CARMIL1: variants seen among roughly 807,000 people sequenced by gnomAD.
The protein encoded by CARMIL1 is F-actin-uncapping protein LRRC16A.
In CARMIL1, 90 loss-of-function variants were observed where a neutral mutation model predicts 177.1. The ratio of observed to expected loss-of-function variants is 0.51; its 90% CI spans 0.43 to 0.61. The LOEUF (loss-of-function observed/expected upper bound fraction) is 0.61. CARMIL1 is among the 20% of genes least tolerant of loss of function. The probability of loss-of-function intolerance (pLI) is 0.00; values close to 1 mark genes in which losing one functional copy is unlikely to be tolerated. For synonymous variants in CARMIL1, 577 were observed against 606.2 expected, an observed-to-expected ratio of 0.95 and a Z score of 0.71; for missense variants, 1,380 against 1,667.0, an observed-to-expected ratio of 0.83 and a Z score of 3.00.
At chr6:25,473,709 T>C (rs1801274301) in intron 11 of CARMIL1, among the ~76,000 whole-genome samples, 1 of 152,306 alleles carries the variant, frequency 6.6e-6, no homozygotes, top group East Asian at 1.9e-4. Flanking sequence ...GTCAACAGTA[T>C]ATTTACTGCT....
At chr6:25,514,060 A>G (rs927374958) in intron 20 of CARMIL1, among the ~76,000 whole-genome samples, 2 of 152,224 alleles carry the variant, frequency 1.3e-5, no homozygotes, top group Non-Finnish European at 2.9e-5. Context: ...GGAAGGCAAC[A>G]TAAACTAGTA....
intron 27 of CARMIL1, 117 bp from the exon 28 acceptor site, chr6:25,553,892 A>G: frequency 1.5e-6 from 1 of 680,424 alleles, no homozygotes; most frequent in East Asian, 2.7e-5. Flanking sequence ...CTTATATTCC[A>G]CTTTCAAAGA....
Position 25,450,984 on chromosome 6 carries a change from CCTCCCCTCTCCCCT to C in CARMIL1, c.614+298_614+311del, listed in dbSNP as rs1443718687. ...CTCCTCTCTTCTCTTCTCCTCTCCC[CCTCCCCTCTCCCCT>C]CTCCCCTCTCCCCTCTCCCCTCTCT... On this transcript the variant is annotated intron_variant, in intron 8 of 36. Coordinates refer to ENST00000329474, the MANE Select transcript of CARMIL1 (RefSeq NM_017640.6). Among the ~76,000 whole-genome samples, 17 of 6,206 alleles carry C rather than the reference CCTCCCCTCTCCCCT, an allele frequency of 2.7e-3. 1 individual carries two copies. Among genetic ancestry groups the C allele is most frequent in the African/African-American group, 7.9e-3 (17 of 2,162 alleles). 4.1% of individuals were successfully genotyped at this position (6,206 alleles called of 152,430 possible). A position where few individuals can be genotyped will look rare whatever the true frequency, so the allele number is the denominator to read the frequency against.
At chr6:25,290,241 G>A (rs570708323) in intron 2 of CARMIL1, among the ~76,000 whole-genome samples, 5 of 152,110 alleles carry the variant, frequency 3.3e-5, no homozygotes, top group South Asian at 2.1e-4. Flanking sequence ...GACTACAGGC[G>A]TGTGCCACCA....
At position 25,421,226 on chromosome 6, in the gene CARMIL1, C is replaced by T. The variant is rs1795824391; in HGVS notation, c.189+1062C>T. ...GATTAGAAAATAGCTAAAAGACAGACACTTCTCAAAAGAAGACATTTATGC... is the reference window on the plus strand; with the variant it reads ...GATTAGAAAATAGCTAAAAGACAGATACTTCTCAAAAGAAGACATTTATGC... On this transcript the variant is annotated intron_variant, in intron 3 of 36. Transcript: ENST00000329474. 2.0e-5 allele frequency among the ~76,000 whole-genome samples: 3 copies of T among 152,314 alleles called. No individual in the cohort carries two copies. In the South Asian group the frequency reaches 6.2e-4, roughly 32 times the overall value.
At chr6:25,436,265 C>A (rs1183853011) in intron 5 of CARMIL1, among the ~76,000 whole-genome samples, 1 of 152,092 alleles carries the variant, frequency 6.6e-6, no homozygotes, top group Admixed American at 6.5e-5. Context: ...ATGCTTATGT[C>A]TGAAAGCTCC....
chr6:25,461,151 A>G (rs1163615234), intron 8 of CARMIL1, among the ~76,000 whole-genome samples: 1 of 152,212 alleles, frequency 6.6e-6, no homozygotes, highest in Admixed American at 6.5e-5. Flanking sequence ...CTTCTGCCTT[A>G]GACTCCTTCC....
intron 31 of CARMIL1, among the ~76,000 whole-genome samples, chr6:25,584,477 A>G (rs1259258152): frequency 6.6e-6 from 1 of 150,842 alleles, no homozygotes; most frequent in Non-Finnish European, 1.5e-5. Context: ...CTGAAGCACC[A>G]GTAACAAAAG....
chr6:25,342,585 G>A (rs887851570), intron 2 of CARMIL1, among the ~76,000 whole-genome samples: 1 of 151,018 alleles, frequency 6.6e-6, no homozygotes, highest in African/African-American at 2.4e-5. Context: ...GTATGTTCTT[G>A]CCTCTTTCTA....
chr6:25,515,902 C>A lies in CARMIL1; in HGVS notation c.1805+55C>A. On this transcript the variant is annotated intron_variant, in intron 21 of 36. Transcript: ENST00000329474. This position sits in a 1 kb window ranked among gnomAD's most constrained non-coding sequence, Gnocchi z 5.0. ...AGGAAGGCTTGGAGCAGATTCCGAACAGCAAGCATTGCAGAGCTGCTGGGC... is the reference window on the plus strand; with the variant it reads ...AGGAAGGCTTGGAGCAGATTCCGAAAAGCAAGCATTGCAGAGCTGCTGGGC... 6.6e-7 allele frequency: 1 copy of A among 1,515,722 alleles called. No individual in the cohort carries two copies. Among genetic ancestry groups the A allele is most frequent in the Non-Finnish European group, 8.9e-7 (1 of 1,125,028 alleles). 93.9% of individuals were successfully genotyped at this position (1,515,722 alleles called of 1,614,324 possible).
intron 27 of CARMIL1, among the ~76,000 whole-genome samples, chr6:25,552,371 A>T (rs1302403358): frequency 6.6e-6 from 1 of 152,144 alleles, no homozygotes; most frequent in Non-Finnish European, 1.5e-5. Context: ...GTCAAATATG[A>T]TCATTTCCTT....
chr6:25,515,033 G>A lies in CARMIL1; in HGVS notation c.1633-642G>A, dbSNP rs551816331. Among the ~76,000 whole-genome samples, 4 of 152,324 alleles carry A rather than the reference G, an allele frequency of 2.6e-5. No individual in the cohort carries two copies. The East Asian group carries it at 7.7e-4, about 29-fold the overall frequency. ...GTTAGGAGCATGAAATCTGGAACCA[G>A]TACATCTGGGTTTGAATCCTAGTTC... On this transcript the variant is annotated intron_variant, in intron 20 of 36. Transcript: ENST00000329474. The surrounding 1 kb of genome is among the most constrained non-coding windows in gnomAD (Gnocchi z 5.0).
intron 35 of CARMIL1, among the ~76,000 whole-genome samples, chr6:25,607,628 C>T (rs1816105550): frequency 6.6e-6 from 1 of 152,182 alleles, no homozygotes; most frequent in Non-Finnish European, 1.5e-5. Flanking sequence ...GGATGCACAG[C>T]TCATCCTAAT....
At chr6:25,501,669 A>G (rs369952363) in intron 17 of CARMIL1, among the ~76,000 whole-genome samples, 6 of 152,330 alleles carry the variant, frequency 3.9e-5, no homozygotes, top group African/African-American at 1.4e-4. Context: ...AATCGCCAAT[A>G]GTACCTTGCA....
intron 23 of CARMIL1, among the ~76,000 whole-genome samples, chr6:25,525,787 C>T (rs1807034058): frequency 6.6e-6 from 1 of 152,018 alleles, no homozygotes; most frequent in South Asian, 2.1e-4. Context: ...AACACTAAGA[C>T]AAACACTAAA....
chr6:25,415,389 C>T (rs1795267189), intron 2 of CARMIL1, among the ~76,000 whole-genome samples: 1 of 151,948 alleles, frequency 6.6e-6, no homozygotes, highest in African/African-American at 2.4e-5. Flanking sequence ...CTAGAAACTT[C>T]CTATGGTGAC....
chr6:25,354,357 T>G (rs1488295174), intron 2 of CARMIL1, among the ~76,000 whole-genome samples: 1 of 117,372 alleles, frequency 8.5e-6, no homozygotes, highest in Non-Finnish European at 1.7e-5. Flanking sequence ...TTTTTTTTTT[T>G]TTGTGGAGAC....
At chr6:25,470,100 A>AT (rs752715680) in intron 9 of CARMIL1, among the ~76,000 whole-genome samples, 24 of 152,016 alleles carry the variant, frequency 1.6e-4, no homozygotes, top group Non-Finnish European at 2.1e-4. Context: ...TTTTTTTGAC[A>AT]TTTTTTATTA....
intron 31 of CARMIL1, among the ~76,000 whole-genome samples, chr6:25,588,559 A>G (rs1813991501): frequency 6.6e-6 from 1 of 152,210 alleles, no homozygotes; most frequent in Non-Finnish European, 1.5e-5. Flanking sequence ...CCACGTGGCC[A>G]CCTAACTGCA....
Sources: gnomAD v4.1 joint callset for allele counts (sites outside exome capture counted in the v4.1 genomes callset) on GRCh38, gnomAD v4.1.1 for gene constraint, Gnocchi (gnomAD v3.1) non-coding constraint, MANE v1.5 for transcripts, NCBI Gene and HGNC (gene_info 2026-07-23, HGNC 2026-07-21) for gene names.